Variants in UBE2D3 observed in about 807,000 individuals in gnomAD.
UBE2D3 encodes the protein ubiquitin-conjugating enzyme E2 D3.
Under a neutral mutation model 22.8 loss-of-function variants are expected in UBE2D3, and 2 were observed. That is an observed-to-expected ratio of 0.09 (90% CI 0.04 to 0.28). UBE2D3 has a LOEUF of 0.28. Ranked by LOEUF, UBE2D3 falls within the 10% of genes least tolerant of loss-of-function variation. The pLI is 1.00. For missense variants in UBE2D3, 27 were observed against 182.5 expected, an observed-to-expected ratio of 0.15 and a Z score of 4.91; for synonymous variants, 56 against 60.4, an observed-to-expected ratio of 0.93 and a Z score of 0.34.
At chr4:102,817,075 G>C (rs150893) in intron 2 of UBE2D3, among the ~76,000 whole-genome samples, 85,564 of 151,968 alleles carry the variant, frequency 0.56, 25,077 homozygotes, top group African/African-American at 0.74. Context: ...CATTTACCAA[G>C]AACAAGGAGT....
chr4:102,852,938 G>C (rs1732433764), intron 1 of UBE2D3, among the ~76,000 whole-genome samples: 1 of 151,988 alleles, frequency 6.6e-6, no homozygotes, highest in Admixed American at 6.6e-5. Context: ...CTGAAAAGAT[G>C]TTTCACCTCA....
At chr4:102,823,974 T>C (rs1330641422) in intron 2 of UBE2D3, among the ~76,000 whole-genome samples, 1 of 152,214 alleles carries the variant, frequency 6.6e-6, no homozygotes, top group Non-Finnish European at 1.5e-5. Flanking sequence ...CATCAATGGC[T>C]ACTTGACCCC....
intron 1 of UBE2D3, chr4:102,843,290 A>T (rs940078112): frequency 4.6e-5 from 7 of 151,672 alleles, no homozygotes; most frequent in African/African-American, 1.5e-4. Flanking sequence ...CTTAGCCATG[A>T]TTTTGTTTCA....
Position 102,814,256 on chromosome 4 carries a change from T to G in UBE2D3, c.25-4401A>C, listed in dbSNP as rs1040475589. On this transcript the variant is annotated intron_variant, in intron 2 of 7. Transcript: ENST00000453744. ...CCAAATCAGTATTTCAGAAGCTTTT[T>G]TTTTTTTGCAACTTAAATTATCCAC... 1.2e-4 allele frequency among the ~76,000 whole-genome samples: 18 copies of G among 151,778 alleles called. No individual in the cohort carries two copies. The East Asian group carries it at 1.6e-3, about 13-fold the overall frequency.
chr4:102,818,324 T>C (rs984701319), intron 2 of UBE2D3, among the ~76,000 whole-genome samples: 1 of 152,224 alleles, frequency 6.6e-6, no homozygotes, highest in Admixed American at 6.5e-5. Context: ...CCTTTTAGTG[T>C]CATCTTCCTC....
chr4:102,837,071 A>G (rs969846195), intron 1 of UBE2D3: 2 of 152,216 alleles, frequency 1.3e-5, no homozygotes, highest in South Asian at 4.1e-4. Flanking sequence ...GAAACCTGCT[A>G]GACAGATTCT....
chr4:102,808,151 T>C, intron 4 of UBE2D3, among the ~76,000 whole-genome samples: 1 of 152,168 alleles, frequency 6.6e-6, no homozygotes, highest in East Asian at 1.9e-4. Flanking sequence ...AATATGGAAT[T>C]GACCTAGTAG....
At chr4:102,867,464 T>G (rs1275305351) in intron 1 of UBE2D3, among the ~76,000 whole-genome samples, 1 of 152,214 alleles carries the variant, frequency 6.6e-6, no homozygotes, top group East Asian at 1.9e-4. Flanking sequence ...AATCAGCAAG[T>G]GCACAACTTC....
At chr4:102,825,016 G>A (rs933777018) in intron 2 of UBE2D3, among the ~76,000 whole-genome samples, 3 of 152,046 alleles carry the variant, frequency 2.0e-5, no homozygotes, top group Non-Finnish European at 4.4e-5. Context: ...ATGTTATGAA[G>A]GCCCAAAACA....
intron 2 of UBE2D3, among the ~76,000 whole-genome samples, chr4:102,817,218 C>G (rs1217817290): frequency 6.6e-6 from 1 of 152,180 alleles, no homozygotes; most frequent in Non-Finnish European, 1.5e-5. Flanking sequence ...GCAGATTTAG[C>G]TAAAAAGGCA....
chr4:102,802,141 C>A (rs140605699), intron 5 of UBE2D3: 197 of 156,084 alleles, frequency 1.3e-3, no homozygotes, highest in African/African-American at 4.7e-3. Flanking sequence ...TACCTATAAA[C>A]CAGTGCACTA....
intron 2 of UBE2D3, among the ~76,000 whole-genome samples, chr4:102,815,047 TTTTC>T (rs1483656043): frequency 6.6e-6 from 1 of 152,024 alleles, no homozygotes; most frequent in African/African-American, 2.4e-5. Flanking sequence ...TTTAGCGTAA[TTTTC>T]TTTTTTTTGG....
intron 1 of UBE2D3, among the ~76,000 whole-genome samples, chr4:102,837,516 A>G (rs1221811065): frequency 6.6e-6 from 1 of 152,208 alleles, no homozygotes; most frequent in African/African-American, 2.4e-5. Context: ...GCAATAAAGT[A>G]TTTTTTAATT....
intron 1 of UBE2D3, among the ~76,000 whole-genome samples, chr4:102,868,129 G>C (rs1733253226): frequency 6.9e-6 from 1 of 144,262 alleles, no homozygotes; most frequent in African/African-American, 2.7e-5. Context: ...CTAGAGTGCA[G>C]TGGCACATTC....
intron 4 of UBE2D3, among the ~76,000 whole-genome samples, chr4:102,806,022 T>TTA (rs1401040502): frequency 6.6e-6 from 1 of 152,208 alleles, no homozygotes; most frequent in Non-Finnish European, 1.5e-5. Flanking sequence ...GTTCATGATG[T>TTA]TATCTTCAGC....
At chr4:102,822,433 G>A (rs866497787) in intron 2 of UBE2D3, among the ~76,000 whole-genome samples, 5 of 152,258 alleles carry the variant, frequency 3.3e-5, no homozygotes, top group Admixed American at 6.5e-5. Context: ...GCAGTTAACT[G>A]GCACATGTTA....
At position 102,826,544 on chromosome 4, in the gene UBE2D3, G is replaced by A. The variant is rs1383733744; in HGVS notation, c.-36C>T. 1 of 1,611,922 alleles carries A rather than the reference G, an allele frequency of 6.2e-7. No homozygotes were observed. Among genetic ancestry groups the A allele is most frequent in the South Asian group, 1.1e-5 (1 of 91,052 alleles). ...TGTCGTCTGGCTCCTCACTCTCTCG[G>A]TGTATGCTCAAAGGTCCGGCCAAAA... On this transcript the variant is annotated 5_prime_UTR_variant, in exon 2 of 8. Coordinates refer to ENST00000453744, the MANE Select transcript of UBE2D3 (RefSeq NM_181891.3).
At chr4:102,852,585 G>C (rs1453952578) in intron 1 of UBE2D3, among the ~76,000 whole-genome samples, 1 of 152,114 alleles carries the variant, frequency 6.6e-6, no homozygotes, top group African/African-American at 2.4e-5. Flanking sequence ...CATACAACTT[G>C]AATTCATTCC....
intron 2 of UBE2D3, chr4:102,825,962 CACTG>C (rs1321906928): frequency 7.5e-5 from 24 of 320,550 alleles, no homozygotes; most frequent in Admixed American, 2.1e-4. Flanking sequence ...CTACTAGACT[CACTG>C]ACTGACCTTC....
Sources: allele counts gnomAD v4.1 joint callset (sites outside exome capture counted in the v4.1 genomes callset), GRCh38; gene constraint gnomAD v4.1.1; transcripts MANE v1.5; gene names NCBI Gene and HGNC (gene_info 2026-07-23, HGNC 2026-07-21).